Variants in PCDHA1 observed in about 807,000 individuals in gnomAD.
PCDHA1 encodes protocadherin alpha 1.
Under a neutral mutation model 61.3 loss-of-function variants are expected in PCDHA1, and 42 were observed. The observed-to-expected ratio is 0.69, with a 90% confidence interval of 0.54 to 0.89. The LOEUF (loss-of-function observed/expected upper bound fraction) is 0.89. Among genes scored for constraint, PCDHA1 ranks in the 40% least tolerant of loss-of-function variants. The pLI is 0.00. For missense variants in PCDHA1, 1,256 were observed against 1,235.3 expected (o/e 1.02, Z -0.25); for synonymous variants, 610 against 553.8 (o/e 1.10, Z -1.43).
intron 1 of PCDHA1, chr5:140,928,095 G>A (rs782045221): frequency 6.2e-7 from 1 of 1,614,190 alleles, no homozygotes; most frequent in African/African-American, 1.3e-5. Flanking sequence ...TGATTGATGG[G>A]CCCCTGGACC....
intron 1 of PCDHA1, chr5:140,809,002 G>C: frequency 6.2e-7 from 1 of 1,613,678 alleles, no homozygotes; most frequent in South Asian, 1.1e-5. Context: ...GCTACAACGC[G>C]TGGCTTTCGT....
chr5:141,009,562 C>T, intron 3 of PCDHA1, 65 bp from the exon 4 acceptor site: 7 of 1,571,344 alleles, frequency 4.5e-6, no homozygotes, highest in Non-Finnish European at 6.0e-6. Flanking sequence ...CTGTACTCTA[C>T]CAGCAGTGTG....
At chr5:140,853,925 T>C in intron 1 of PCDHA1, 3 of 909,732 alleles carry the variant, frequency 3.3e-6, no homozygotes, top group Non-Finnish European at 4.0e-6. Context: ...TCCCAACATT[T>C]TGGGAGGCCA....
At chr5:140,876,169 C>G in intron 1 of PCDHA1, 1 of 1,613,916 alleles carries the variant, frequency 6.2e-7, no homozygotes, top group African/African-American at 1.3e-5. Context: ...AATAACCGTC[C>G]TGGATGTGAA....
rs2150360169 is a variant in PCDHA1 at position 140,843,445 on chromosome 5, C to T, written c.2394+54761C>T. The T allele has an allele frequency of 2.5e-6, 4 of 1,596,040 alleles. 1 individual carries two copies. The highest frequency in any genetic ancestry group is 1.7e-6 in the Non-Finnish European group (2 of 1,165,674). Reference sequence around the variant, plus strand: ...TGATCATCGCCATCTGCGCGGTATCCAGCCTGCTGGTGCTCACGCTGCTGC... The same window carrying T: ...TGATCATCGCCATCTGCGCGGTATCTAGCCTGCTGGTGCTCACGCTGCTGC... On this transcript the variant is annotated intron_variant, in intron 1 of 3. Coordinates refer to ENST00000504120, the MANE Select transcript of PCDHA1 (RefSeq NM_018900.4).
chr5:140,834,595 G>C (rs2150222436), intron 1 of PCDHA1: 5 of 1,614,156 alleles, frequency 3.1e-6, no homozygotes, highest in East Asian at 2.2e-5. Flanking sequence ...TGCAAATTCC[G>C]TGGGGATCTT....
chr5:140,840,974 G>T (rs1202525007), intron 1 of PCDHA1, among the ~76,000 whole-genome samples: 1 of 152,020 alleles, frequency 6.6e-6, no homozygotes, highest in Non-Finnish European at 1.5e-5. Flanking sequence ...TTATGAAGAA[G>T]AAATCCCTAG....
At chr5:140,834,109 A>G in intron 1 of PCDHA1, 1 of 406,184 alleles carries the variant, frequency 2.5e-6, no homozygotes, top group South Asian at 5.5e-5. Context: ...AAAAATTCAG[A>G]GTTTGAAATA....
chr5:140,856,385 C>T lies in PCDHA1; in HGVS notation c.2394+67701C>T, dbSNP rs190288099. On this transcript the variant is annotated intron_variant, in intron 1 of 3. Coordinates refer to ENST00000504120, the MANE Select transcript of PCDHA1 (RefSeq NM_018900.4). ...CCTGGAGGTGATCGTGGACAGGCCG[C>T]TGCAGGTTTTCCATGTGGACGTGGA... 1.5e-4 allele frequency: 246 copies of T among 1,598,538 alleles called. 26 individuals are homozygous for T. The highest frequency in any genetic ancestry group is 2.0e-4 in the Non-Finnish European group (228 of 1,167,982).
intron 3 of PCDHA1, among the ~76,000 whole-genome samples, chr5:140,988,057 C>T (rs557714672): frequency 6.6e-6 from 1 of 152,188 alleles, no homozygotes; most frequent in Non-Finnish European, 1.5e-5. Context: ...GCACTGTCAA[C>T]ATGAATTTTT....
intron 1 of PCDHA1, chr5:140,877,281 T>TA (rs782748230): frequency 8.7e-6 from 14 of 1,613,708 alleles, no homozygotes; most frequent in Non-Finnish European, 1.2e-5. Context: ...ACTCCGGCTA[T>TA]AACGCTTGGC....
intron 1 of PCDHA1, among the ~76,000 whole-genome samples, chr5:140,900,728 C>A (rs2068258961): frequency 1.3e-5 from 2 of 152,188 alleles, no homozygotes; most frequent in Non-Finnish European, 2.9e-5. Flanking sequence ...TCCTACCTAG[C>A]AGTGGGATTT....
intron 1 of PCDHA1, among the ~76,000 whole-genome samples, chr5:140,957,864 A>G (rs1554223166): frequency 6.6e-6 from 1 of 151,762 alleles, no homozygotes; most frequent in Admixed American, 6.6e-5. Flanking sequence ...TTTTTTTCCT[A>G]TTTTGTGCTG....
intron 1 of PCDHA1, chr5:140,868,023 T>C (rs2050243779): frequency 6.6e-6 from 1 of 152,096 alleles, no homozygotes; most frequent in Non-Finnish European, 1.5e-5. Flanking sequence ...AGGAAACCAA[T>C]GTTGGTGACT....
At chr5:140,834,867 A>G (rs2150228348) in intron 1 of PCDHA1, 9 of 1,609,692 alleles carry the variant, frequency 5.6e-6, no homozygotes, top group Non-Finnish European at 7.6e-6. Flanking sequence ...CGATGCAGAT[A>G]TCGGGGAGAA....
At position 140,789,661 on chromosome 5, in the gene PCDHA1, A is replaced by C. The variant is rs372939638; in HGVS notation, c.2394+977A>C. Among the ~76,000 whole-genome samples the C allele has an allele frequency of 9.8e-4, 150 of 152,290 alleles. 1 individual carries two copies. Among genetic ancestry groups the C allele is most frequent in the African/African-American group, 3.5e-3 (145 of 41,548 alleles). ...GCTATTTCGGGGATCCAGTTAGGAA[A>C]CACTTATTAAGCACCTCCCATTCCT... On this transcript the variant is annotated intron_variant, in intron 1 of 3. Coordinates refer to ENST00000504120, the MANE Select transcript of PCDHA1 (RefSeq NM_018900.4).
At chr5:140,900,673 A>T (rs936784929) in intron 1 of PCDHA1, among the ~76,000 whole-genome samples, 6 of 152,210 alleles carry the variant, frequency 3.9e-5, no homozygotes, top group African/African-American at 1.4e-4. Context: ...GAGTGCAGTT[A>T]TCTCTTCAAT....
At chr5:140,873,255 C>T (rs1554166636) in intron 1 of PCDHA1, among the ~76,000 whole-genome samples, 1 of 152,074 alleles carries the variant, frequency 6.6e-6, no homozygotes, top group South Asian at 2.1e-4. Context: ...ATTTCAGACT[C>T]AAAAGTGATT....
Position 140,857,895 on chromosome 5 carries a change from G to C in PCDHA1, c.2394+69211G>C. 1.3e-6 allele frequency: 2 copies of C among 1,597,868 alleles called. 1 individual carries two copies. The highest frequency in any genetic ancestry group is 2.2e-5 in the South Asian group (2 of 90,498). ...TATGAATTGCAGTCGGCGGCGGTTG[G>C]TGCACGCATCCCGTTTCGCGTGGGG... On this transcript the variant is annotated intron_variant, in intron 1 of 3. Coordinates refer to ENST00000504120, the MANE Select transcript of PCDHA1 (RefSeq NM_018900.4).
Sources: gnomAD v4.1 joint callset for allele counts (sites outside exome capture counted in the v4.1 genomes callset) on GRCh38, gnomAD v4.1.1 for gene constraint, MANE v1.5 for transcripts, NCBI Gene and HGNC (gene_info 2026-07-23, HGNC 2026-07-21) for gene names.